The following PACRGL variants were observed in gnomAD, a reference collection of about 807,000 sequenced individuals.
The protein encoded by PACRGL is parkin coregulated like.
A neutral mutation model predicts 34.5 loss-of-function variants in PACRGL; 38 were observed. The ratio of observed to expected loss-of-function variants is 1.10; its 90% CI spans 0.85 to 1.44. The LOEUF is 1.44. PACRGL is among the 40% of genes most tolerant of loss of function. PACRGL has a pLI of 0.00. For synonymous variants in PACRGL, 128 were observed against 100.1 expected, an observed-to-expected ratio of 1.28 and a Z score of -1.66; for missense variants, 305 against 281.4, an observed-to-expected ratio of 1.08 and a Z score of -0.60.
At chr4:20,748,560 TTATATATATATA>T (rs3075750) in intron 8 of PACRGL, among the ~76,000 whole-genome samples, 1,175 of 64,846 alleles carry the variant, frequency 0.018, 22 homozygotes, top group Non-Finnish European at 0.02. Context: ...CTTCCAAATT[TTATATATATATA>T]TATATATATA....
downstream of PACRGL, among the ~76,000 whole-genome samples, chr4:20,735,128 A>G (rs573971882): frequency 6.6e-6 from 1 of 152,250 alleles, no homozygotes; most frequent in Non-Finnish European, 1.5e-5. Flanking sequence ...CCGTTTGCTA[A>G]TAAGAAATGT....
intron 6 of PACRGL, 106 bp from the exon 7 acceptor site, chr4:20,713,326 T>C (rs148284824): frequency 0.01 from 8,231 of 784,900 alleles, 61 homozygotes; most frequent in Non-Finnish European, 0.013. Context: ...ATGTTTAATC[T>C]TATCCTTTTC....
chr4:20,753,828 C>T (rs1172347002), downstream of PACRGL, among the ~76,000 whole-genome samples: 1 of 152,152 alleles, frequency 6.6e-6, no homozygotes, highest in Non-Finnish European at 1.5e-5. Context: ...CTACAGAACT[C>T]ATCTGACTCA....
At chr4:20,714,664 T>C (rs1294111956) in intron 7 of PACRGL, among the ~76,000 whole-genome samples, 1 of 152,110 alleles carries the variant, frequency 6.6e-6, no homozygotes, top group Non-Finnish European at 1.5e-5. Flanking sequence ...TGTTTAGTGC[T>C]TCCTTCAGGA....
At chr4:20,717,509 T>C (rs1327374366) in intron 7 of PACRGL, among the ~76,000 whole-genome samples, 3 of 152,206 alleles carry the variant, frequency 2.0e-5, no homozygotes, top group African/African-American at 7.2e-5. Flanking sequence ...TTAATTTTTG[T>C]ATAAAGTGTA....
At chr4:20,756,785 T>A (rs990206), downstream of PACRGL, among the ~76,000 whole-genome samples, 51,715 of 151,738 alleles carry the variant, frequency 0.34, 9,252 homozygotes, top group African/African-American at 0.45. Context: ...CTGAACTATC[T>A]ATCTCTCTTG....
At chr4:20,721,725 G>T (rs1356089306) in intron 7 of PACRGL, among the ~76,000 whole-genome samples, 1 of 152,240 alleles carries the variant, frequency 6.6e-6, no homozygotes, top group Non-Finnish European at 1.5e-5. Flanking sequence ...TGAGGTGTCA[G>T]TCTGCCCCTA....
the PACRGL span, among the ~76,000 whole-genome samples, chr4:20,763,031 T>C: frequency 5.3e-5 from 8 of 152,102 alleles, no homozygotes; most frequent in Non-Finnish European, 1.2e-4. Flanking sequence ...CACCCACTTA[T>C]CACGAGAACA....
chr4:20,723,292 C>T (rs981666807), intron 7 of PACRGL, among the ~76,000 whole-genome samples: 3 of 152,128 alleles, frequency 2.0e-5, no homozygotes, highest in Admixed American at 6.6e-5. Flanking sequence ...AATATTCAGT[C>T]GTTTAATAAT....
intron 8 of PACRGL, among the ~76,000 whole-genome samples, chr4:20,741,765 A>G (rs1751166472): frequency 6.6e-6 from 1 of 152,228 alleles, no homozygotes; most frequent in Admixed American, 6.5e-5. Context: ...CCTTCAAAAA[A>G]TCAATGAATC....
chr4:20,738,694 T>C (rs1282413324), intron 8 of PACRGL, among the ~76,000 whole-genome samples: 2 of 152,210 alleles, frequency 1.3e-5, no homozygotes, highest in Non-Finnish European at 2.9e-5. Context: ...AGATGGGTGA[T>C]TTCTGCATTT....
At chr4:20,733,112 A>G (rs923655871), downstream of PACRGL, among the ~76,000 whole-genome samples, 3 of 152,172 alleles carry the variant, frequency 2.0e-5, no homozygotes, top group Non-Finnish European at 4.4e-5. Flanking sequence ...TGTTTATTTA[A>G]TTGCATTATA....
intron 7 of PACRGL, among the ~76,000 whole-genome samples, chr4:20,723,595 C>G (rs1744372724): frequency 6.6e-6 from 1 of 152,130 alleles, no homozygotes; most frequent in Non-Finnish European, 1.5e-5. Flanking sequence ...TAAATAGCCT[C>G]TAAGTCCCAC....
At chr4:20,756,071 C>A (rs1754401944), downstream of PACRGL, among the ~76,000 whole-genome samples, 1 of 151,882 alleles carries the variant, frequency 6.6e-6, no homozygotes, top group African/African-American at 2.4e-5. Flanking sequence ...AAGAGTAGAC[C>A]ATGGTTAGGG....
downstream of PACRGL, among the ~76,000 whole-genome samples, chr4:20,753,267 A>G (rs903215213): frequency 1.3e-5 from 2 of 152,202 alleles, no homozygotes; most frequent in East Asian, 1.9e-4. Flanking sequence ...AGATATTCCT[A>G]TACCATCTCT....
chr4:20,742,821 G>A (rs544382060), intron 8 of PACRGL, among the ~76,000 whole-genome samples: 31 of 152,168 alleles, frequency 2.0e-4, no homozygotes, highest in Middle Eastern at 6.8e-3. Context: ...AAACCCTGTC[G>A]TCTCAGCCCA....
intron 4 of PACRGL, 31 bp downstream of exon 4, chr4:20,707,901 A>G (rs759110461): frequency 1.4e-6 from 2 of 1,466,694 alleles, no homozygotes; most frequent in Admixed American, 1.7e-5. Context: ...AACTGACCAA[A>G]TTATTCAAAA....
intron 7 of PACRGL, among the ~76,000 whole-genome samples, chr4:20,717,374 T>C (rs567139311): frequency 3.7e-4 from 57 of 152,360 alleles, no homozygotes; most frequent in African/African-American, 1.4e-3. Flanking sequence ...TTTGTTGCCA[T>C]TGCTTTTTGT....
At chr4:20,714,639 G>A (rs1738944923) in intron 7 of PACRGL, among the ~76,000 whole-genome samples, 1 of 152,070 alleles carries the variant, frequency 6.6e-6, no homozygotes, top group South Asian at 2.1e-4. Flanking sequence ...GGCTGGTACA[G>A]GTTGTTCCTT....
Sources: gnomAD v4.1 joint callset for allele counts (sites outside exome capture counted in the v4.1 genomes callset) on GRCh38, gnomAD v4.1.1 for gene constraint, MANE v1.5 for transcripts, NCBI Gene and HGNC (gene_info 2026-07-23, HGNC 2026-07-21) for gene names.